The following GPC6 variants were observed in gnomAD, a reference collection of about 807,000 sequenced individuals.
GPC6 encodes the protein glypican 6, also known as glypican-6.
A neutral mutation model predicts 55.2 loss-of-function variants in GPC6; 14 were observed. That is an observed-to-expected ratio of 0.25 (90% confidence interval 0.17 to 0.40). The LOEUF is 0.40. GPC6 is among the 10% of genes least tolerant of loss of function. GPC6 has a pLI of 1.00. For synonymous variants in GPC6, 278 were observed against 259.6 expected (o/e 1.07, Z -0.68); for missense variants, 641 against 708.5 (o/e 0.90, Z 1.08).
chr13:94,057,988 A>C (rs1243003194), intron 4 of GPC6, among the ~76,000 whole-genome samples: 2 of 152,320 alleles, frequency 1.3e-5, no homozygotes, highest in East Asian at 3.9e-4. Context: ...ATTACCCCAA[A>C]ACCCTGTAAG....
At chr13:94,402,720 T>A (rs1293479485) in intron 8 of GPC6, among the ~76,000 whole-genome samples, 1 of 152,116 alleles carries the variant, frequency 6.6e-6, no homozygotes, top group Non-Finnish European at 1.5e-5. Context: ...AAAATTACAA[T>A]CATGGTGGAA....
intron 4 of GPC6, among the ~76,000 whole-genome samples, chr13:94,140,256 C>A (rs1371223823): frequency 6.6e-6 from 1 of 152,126 alleles, no homozygotes; most frequent in Non-Finnish European, 1.5e-5. Flanking sequence ...CTGGAAGTTC[C>A]TCTGTGTTCA....
intron 1 of GPC6, among the ~76,000 whole-genome samples, chr13:93,501,294 C>G (rs1161061875): frequency 6.6e-6 from 1 of 152,050 alleles, no homozygotes; most frequent in Non-Finnish European, 1.5e-5. Flanking sequence ...AAATAGCACT[C>G]TGGGGGAATA....
chr13:93,722,838 C>A (rs1200694490), intron 2 of GPC6, among the ~76,000 whole-genome samples: 1 of 151,832 alleles, frequency 6.6e-6, no homozygotes, highest in Non-Finnish European at 1.5e-5. Flanking sequence ...ACACATCGCT[C>A]CAATCTCTGC....
rs575661283 is a variant in GPC6, at chr13:94,258,601, C to G, written c.878-27748C>G. ...CTCTTCGTTTACATTATATTTCTAA[C>G]TTTGTTAGGATAGAGGTATCTTCAC... On this transcript the variant is annotated intron_variant, in intron 4 of 8. Coordinates refer to ENST00000377047, the MANE Select transcript of GPC6 (RefSeq NM_005708.5). 2.6e-5 allele frequency among the ~76,000 whole-genome samples: 4 copies of G among 152,158 alleles called. No homozygotes were observed. In the East Asian group the frequency reaches 7.7e-4, roughly 29 times the overall value.
chr13:93,850,113 T>C (rs1888343082), intron 3 of GPC6, among the ~76,000 whole-genome samples: 1 of 152,024 alleles, frequency 6.6e-6, no homozygotes, highest in Non-Finnish European at 1.5e-5. Context: ...CTATGAGAAA[T>C]CTTTGAAAAC....
At chr13:93,832,723 T>G (rs2138985166) in intron 3 of GPC6, among the ~76,000 whole-genome samples, 1 of 152,300 alleles carries the variant, frequency 6.6e-6, no homozygotes, top group African/African-American at 2.4e-5. Context: ...CTGAGGTCTT[T>G]GTTGACCAAA....
chr13:93,813,055 A>G (rs992128317), intron 2 of GPC6, among the ~76,000 whole-genome samples: 1 of 152,208 alleles, frequency 6.6e-6, no homozygotes, highest in Non-Finnish European at 1.5e-5. Flanking sequence ...TGCTTTAGAT[A>G]TTTAGAACTA....
intron 4 of GPC6, 59 bp from the exon 5 acceptor site, chr13:94,286,290 C>G (rs952774446): frequency 5.0e-6 from 8 of 1,587,428 alleles, no homozygotes; most frequent in Admixed American, 5.0e-5. Flanking sequence ...TGTTTAAACA[C>G]AGGTTGGGAA....
intron 4 of GPC6, among the ~76,000 whole-genome samples, chr13:94,043,887 G>C (rs1883631113): frequency 6.6e-6 from 1 of 151,686 alleles, no homozygotes; most frequent in Non-Finnish European, 1.5e-5. Flanking sequence ...TATGTTCTTA[G>C]TTACTTAGGT....
At chr13:94,346,358 C>CTGAT (rs1447794233) in intron 6 of GPC6, among the ~76,000 whole-genome samples, 1 of 152,156 alleles carries the variant, frequency 6.6e-6, no homozygotes, top group Non-Finnish European at 1.5e-5. Flanking sequence ...TAAGATTCCT[C>CTGAT]TGATAGGAAC....
intron 5 of GPC6, among the ~76,000 whole-genome samples, chr13:94,305,271 CA>C (rs1875883062): frequency 6.6e-6 from 1 of 152,212 alleles, no homozygotes. Flanking sequence ...ACAACAGTTT[CA>C]TCAACCAATC....
In GPC6 at chr13:93,227,982, T is replaced by C. The variant is rs11839555; in HGVS notation, c.160+366T>C. The stretch of plus-strand genomic sequence containing the variant: ...AGCCGAGCCGGGCGCTCACTCCGCG[T>C]TCTGGTTCGGGCAAACTTGGAAGAA... On this transcript the variant is annotated intron_variant, in intron 1 of 8. Transcript: ENST00000377047. This position sits in a 1 kb window ranked among gnomAD's most constrained non-coding sequence, Gnocchi z 4.3. Among the ~76,000 whole-genome samples, 152,192 of 152,254 alleles carry C rather than the reference T, an allele frequency of 1. 76,065 individuals are homozygous for C. The highest frequency in any genetic ancestry group is 1 in the Middle Eastern group (294 of 294).
chr13:93,294,765 A>G (rs913971548), intron 1 of GPC6, among the ~76,000 whole-genome samples: 5 of 152,130 alleles, frequency 3.3e-5, no homozygotes, highest in African/African-American at 7.2e-5. Context: ...TAATGTAACT[A>G]TGAATGGTCA....
At chr13:93,732,512 A>G (rs9301904) in intron 2 of GPC6, among the ~76,000 whole-genome samples, 2 of 152,134 alleles carry the variant, frequency 1.3e-5, no homozygotes, top group Non-Finnish European at 2.9e-5. Context: ...CAGCAGTCAT[A>G]GAGTTTTGTC....
chr13:93,938,822 G>C (rs1684444161), intron 3 of GPC6, among the ~76,000 whole-genome samples: 1 of 152,036 alleles, frequency 6.6e-6, no homozygotes, highest in Non-Finnish European at 1.5e-5. Context: ...GAAGGTGCAG[G>C]GCTGGGCACG....
At chr13:93,804,752 C>T (rs1488591065) in intron 2 of GPC6, among the ~76,000 whole-genome samples, 1 of 152,160 alleles carries the variant, frequency 6.6e-6, no homozygotes, top group Non-Finnish European at 1.5e-5. Flanking sequence ...TCTCTCTTGA[C>T]AACTATCCTA....
chr13:93,551,640 C>T (rs541097713), intron 2 of GPC6, among the ~76,000 whole-genome samples: 24 of 152,112 alleles, frequency 1.6e-4, no homozygotes, highest in Non-Finnish European at 3.1e-4. Flanking sequence ...ATGGCAATTT[C>T]CAACATTAGT....
At chr13:94,044,222 G>A (rs538321852) in intron 4 of GPC6, among the ~76,000 whole-genome samples, 40 of 151,840 alleles carry the variant, frequency 2.6e-4, no homozygotes, top group Non-Finnish European at 5.3e-4. Context: ...GCACGTATAA[G>A]TAGATATGTG....
Sources: gnomAD v4.1 joint callset for allele counts (sites outside exome capture counted in the v4.1 genomes callset) on GRCh38, gnomAD v4.1.1 for gene constraint, Gnocchi (gnomAD v3.1) non-coding constraint, MANE v1.5 for transcripts, NCBI Gene and HGNC (gene_info 2026-07-23, HGNC 2026-07-21) for gene names.